RELL1: variants seen among roughly 807,000 people sequenced by gnomAD.
RELL1 encodes RELT like 1, also known as RELT-like protein 1.
In RELL1, 10 loss-of-function variants were observed where a neutral mutation model predicts 23.0. The ratio of observed to expected loss-of-function variants is 0.43; its 90% CI spans 0.27 to 0.74. The LOEUF is 0.74. Among genes scored for constraint, RELL1 ranks in the 30% least tolerant of loss-of-function variants. The probability of loss-of-function intolerance (pLI) is 0.19; values close to 1 mark genes in which losing one functional copy is unlikely to be tolerated. For missense variants in RELL1, 315 were observed against 364.4 expected, an observed-to-expected ratio of 0.86 and a Z score of 1.10; for synonymous variants, 146 against 146.8, an observed-to-expected ratio of 0.99 and a Z score of 0.04.
intron 4 of RELL1, among the ~76,000 whole-genome samples, chr4:37,637,930 T>C (rs78419438): frequency 0.034 from 5,206 of 152,310 alleles, 97 homozygotes; most frequent in Non-Finnish European, 0.054. Flanking sequence ...GTACTCTGTA[T>C]TCCTTATAAC....
chr4:37,630,532 T>A (rs770529594), intron 6 of RELL1, among the ~76,000 whole-genome samples: 1 of 151,850 alleles, frequency 6.6e-6, no homozygotes. Context: ...GCCCGGCTAC[T>A]TTTTTGTATT....
intron 6 of RELL1, among the ~76,000 whole-genome samples, chr4:37,624,252 G>C (rs58114002): frequency 6.6e-6 from 1 of 151,988 alleles, no homozygotes; most frequent in Non-Finnish European, 1.5e-5. Flanking sequence ...GCAGAACACC[G>C]GCACAGCAGT....
In RELL1 at chr4:37,634,949, AG is replaced by A. The variant is rs757103147; in HGVS notation, c.617del (p.Thr206IlefsTer40). The A allele has an allele frequency of 6.2e-7, 1 of 1,614,234 alleles. No individual in the cohort carries two copies. Among genetic ancestry groups the A allele is most frequent in the Admixed American group, 1.7e-5 (1 of 60,030 alleles). ...RHKRWHFIKPTNKSRESRPRR... is the reference protein window; with the variant it reads ...RHKRWHFIKPXNKSRESRPRR... ...GTGGTCTGCTCTCTCTGGACTTGTT[AG>A]TGGGCTTTATAAAGTGCCACCGCTT... On this transcript the variant is annotated frameshift_variant, in exon 5 of 7. Transcript: ENST00000454158. LOFTEE classifies it high-confidence loss of function.
At chr4:37,621,228 A>G (rs1719751130) in intron 6 of RELL1, among the ~76,000 whole-genome samples, 1 of 152,202 alleles carries the variant, frequency 6.6e-6, no homozygotes, top group Non-Finnish European at 1.5e-5. Context: ...AGGCCGAGGC[A>G]GGCAGATCAC....
At chr4:37,594,382 T>G (rs1339079592) in intron 6 of RELL1, among the ~76,000 whole-genome samples, 1 of 152,166 alleles carries the variant, frequency 6.6e-6, no homozygotes, top group Non-Finnish European at 1.5e-5. Context: ...GAAAGCACAA[T>G]GCACTCTGAT....
rs774052522 is a variant in RELL1, at chr4:37,600,787, G to GTGTGTGTGTGTA, written c.*4-9571_*4-9570insTACACACACACA. Among the ~76,000 whole-genome samples the GTGTGTGTGTGTA allele has an allele frequency of 6.0e-3, 866 of 144,106 alleles. 13 individuals are homozygous for GTGTGTGTGTGTA. Among genetic ancestry groups the GTGTGTGTGTGTA allele is most frequent in the Non-Finnish European group, 3.5e-3 (235 of 66,386 alleles). The allele number at this position is 144,106 out of a possible 152,430, so 94.5% of individuals were successfully genotyped here. A position where few individuals can be genotyped will look rare whatever the true frequency, so the allele number is the denominator to read the frequency against. On this transcript the variant is annotated intron_variant, in intron 6 of 6. Coordinates refer to the RELL1 transcript ENST00000314117. ...ATTTAGTATGGATTTGTGCGTGTGT[G>GTGTGTGTGTGTA]TGTGTGTGTGTGTGTGTGTAGTTTT...
rs1560323950 is a variant in RELL1, at chr4:37,604,892, CACACACAG to C, written c.*4-13683_*4-13676del. On this transcript the variant is annotated intron_variant, in intron 6 of 6. Coordinates refer to the RELL1 transcript ENST00000314117. ...ACACACACACACATACACACAGACACACACACAGACACACACACACACACACAGACACA... is the reference window on the plus strand; with the variant it reads ...ACACACACACACATACACACAGACACACACACACACACACACACAGACACA... Among the ~76,000 whole-genome samples, 30 of 74,944 alleles carry C rather than the reference CACACACAG, an allele frequency of 4.0e-4. 1 individual carries two copies. Among genetic ancestry groups the C allele is most frequent in the African/African-American group, 1.9e-3 (29 of 15,646 alleles). 49.2% of individuals were successfully genotyped at this position (74,944 alleles called of 152,430 possible).
rs1271380221 is a variant in RELL1 at position 37,612,326 on chromosome 4, AAAAAAAAAAAAAC to A, written c.*1007_*1019del. 1.3e-4 allele frequency among the ~76,000 whole-genome samples: 4 copies of A among 31,050 alleles called. No individual in the cohort carries two copies. The highest frequency in any genetic ancestry group is 2.2e-4 in the Non-Finnish European group (2 of 9,180). 20.4% of individuals were successfully genotyped at this position (31,050 alleles called of 152,430 possible). A position where few individuals can be genotyped will look rare whatever the true frequency, so the allele number is the denominator to read the frequency against. ...AAGAATCGCTCAGCTAAAGGTTAAAAAAAAAAAAAAAACAAAAAAAAACAAAAAACCGGGTGCA... is the reference window on the plus strand; with the variant it reads ...AAGAATCGCTCAGCTAAAGGTTAAAAAAAAAAAAACAAAAAACCGGGTGCA... On this transcript the variant is annotated 3_prime_UTR_variant, in exon 7 of 7. Coordinates refer to ENST00000454158, the MANE Select transcript of RELL1 (RefSeq NM_001085400.2).
At chr4:37,680,293 T>A (rs74863806) in intron 1 of RELL1, among the ~76,000 whole-genome samples, 4 of 152,220 alleles carry the variant, frequency 2.6e-5, no homozygotes, top group African/African-American at 4.8e-5. Flanking sequence ...ACTGATGTCA[T>A]CAATTGCCTC....
rs74495043 is a variant in RELL1 at position 37,647,305 on chromosome 4, G to A, written c.385+63C>T. The A allele has an allele frequency of 4.2e-4, 479 of 1,152,038 alleles. 4 individuals carry two copies. In the East Asian group the frequency reaches 0.011, roughly 26 times the overall value. 71.4% of individuals were successfully genotyped at this position (1,152,038 alleles called of 1,614,324 possible). A position where few individuals can be genotyped will look rare whatever the true frequency, so the allele number is the denominator to read the frequency against. ...GAGTCTATATAAATCTTGACTCTTC[G>A]AAGCAGGTTTTTAATAAAGGATAGG... On this transcript the variant is annotated intron_variant, in intron 3 of 6. Coordinates refer to ENST00000454158, the MANE Select transcript of RELL1 (RefSeq NM_001085400.2).
intron 6 of RELL1, among the ~76,000 whole-genome samples, chr4:37,628,827 C>T (rs765221629): frequency 5.9e-5 from 9 of 152,214 alleles, no homozygotes; most frequent in Admixed American, 3.3e-4. Context: ...CAAATCCAAT[C>T]CTCGTTTATA....
chr4:37,615,790 C>A (rs575987814), intron 6 of RELL1, among the ~76,000 whole-genome samples: 4 of 152,226 alleles, frequency 2.6e-5, no homozygotes, highest in Non-Finnish European at 5.9e-5. Flanking sequence ...AATTAAGAAC[C>A]GCCCAGAAGA....
At chr4:37,674,806 T>C (rs573498892) in intron 1 of RELL1, among the ~76,000 whole-genome samples, 1 of 152,360 alleles carries the variant, frequency 6.6e-6, no homozygotes, top group East Asian at 1.9e-4. Flanking sequence ...AGATAATGTT[T>C]ACATCTACGC....
At chr4:37,654,750 A>T (rs2109289734) in intron 1 of RELL1, among the ~76,000 whole-genome samples, 1 of 152,364 alleles carries the variant, frequency 6.6e-6, no homozygotes, top group Middle Eastern at 3.4e-3. Context: ...AATAATATGC[A>T]CTATTTAAAG....
intron 6 of RELL1, among the ~76,000 whole-genome samples, chr4:37,619,261 C>A (rs966728971): frequency 6.6e-6 from 1 of 151,934 alleles, no homozygotes; most frequent in African/African-American, 2.4e-5. Context: ...CGGCTCACTG[C>A]AACCTCCGCC....
At chr4:37,613,900 C>T (rs909145942) in intron 6 of RELL1, among the ~76,000 whole-genome samples, 1 of 152,200 alleles carries the variant, frequency 6.6e-6, no homozygotes. Context: ...CTATAACTAT[C>T]TCATTTAATG....
intron 6 of RELL1, among the ~76,000 whole-genome samples, chr4:37,604,810 G>GACACACACACACACACACACACAC (rs199773530): frequency 2.7e-5 from 2 of 73,596 alleles, no homozygotes; most frequent in Non-Finnish European, 5.0e-5. Flanking sequence ...CACACACACA[G>GACACACACACACACACACACACAC]ACACACACAC....
chr4:37,679,575 G>A (rs375372437), intron 1 of RELL1, among the ~76,000 whole-genome samples: 11 of 152,260 alleles, frequency 7.2e-5, no homozygotes, highest in East Asian at 5.8e-4. Context: ...TGCATTTAGC[G>A]CACAACCTGT....
chr4:37,603,975 T>C (rs757187785), intron 6 of RELL1, among the ~76,000 whole-genome samples: 1 of 152,178 alleles, frequency 6.6e-6, no homozygotes, highest in South Asian at 2.1e-4. Context: ...CGGGCCATCA[T>C]GCTCGGCTAC....
Sources: gnomAD v4.1 joint callset for allele counts (sites outside exome capture counted in the v4.1 genomes callset) on GRCh38, gnomAD v4.1.1 for gene constraint, MANE v1.5 for transcripts, NCBI Gene and HGNC (gene_info 2026-07-23, HGNC 2026-07-21) for gene names.